The following PRKCQ variants were observed in gnomAD, a reference collection of about 807,000 sequenced individuals.
PRKCQ encodes the protein protein kinase C theta type.
PRKCQ carries 41 observed loss-of-function variants against 91.2 expected under a neutral mutation model. The ratio of observed to expected loss-of-function variants is 0.45; its 90% CI spans 0.35 to 0.58. The LOEUF (loss-of-function observed/expected upper bound fraction) is 0.58, where lower values mean the gene tolerates loss of function less well. Among genes scored for constraint, PRKCQ ranks in the 20% least tolerant of loss-of-function variants. The pLI, the probability that PRKCQ is intolerant of heterozygous loss-of-function variation, is 0.00. For missense variants in PRKCQ, 673 were observed against 896.5 expected, an observed-to-expected ratio of 0.75 and a Z score of 3.18; for synonymous variants, 307 against 316.9, an observed-to-expected ratio of 0.97 and a Z score of 0.33.
At chr10:6,467,920 AT>A (rs752639515) in intron 12 of PRKCQ, among the ~76,000 whole-genome samples, 11 of 152,200 alleles carry the variant, frequency 7.2e-5, no homozygotes, top group African/African-American at 2.7e-4. Flanking sequence ...AAGAAATGGT[AT>A]TTAAGTTGGG....
At chr10:6,448,082 C>T (rs1834423521) in intron 15 of PRKCQ, among the ~76,000 whole-genome samples, 1 of 152,126 alleles carries the variant, frequency 6.6e-6, no homozygotes, top group Non-Finnish European at 1.5e-5. Flanking sequence ...GGTTATTTAA[C>T]AAAAGACGCC....
At chr10:6,536,684 T>C (rs536248444) in intron 1 of PRKCQ, among the ~76,000 whole-genome samples, 1 of 152,222 alleles carries the variant, frequency 6.6e-6, no homozygotes, top group South Asian at 2.1e-4. Flanking sequence ...AATGGGGTAC[T>C]GGGCTTCAGT....
intron 15 of PRKCQ, among the ~76,000 whole-genome samples, chr10:6,448,794 G>A (rs987651693): frequency 2.0e-5 from 3 of 151,962 alleles, no homozygotes; most frequent in African/African-American, 7.3e-5. Flanking sequence ...TAGTTCTGCA[G>A]ACACCGCTGC....
In PRKCQ at chr10:6,535,990, G is replaced by A. The variant is rs116192847; in HGVS notation, c.-9-20846C>T. Among the ~76,000 whole-genome samples the A allele has an allele frequency of 6.2e-3, 951 of 152,220 alleles. 9 individuals are homozygous for A. The highest frequency in any genetic ancestry group is 0.022 in the African/African-American group (914 of 41,542). ...ATCACAAGCCCTCTTCCTTCCTACT[G>A]AGCAGTGGAGTCAGGCCCTACCCCT... On this transcript the variant is annotated intron_variant, in intron 1 of 17. Coordinates refer to ENST00000263125, the MANE Select transcript of PRKCQ (RefSeq NM_006257.5).
At chr10:6,520,948 CA>C (rs142399519) in intron 1 of PRKCQ, among the ~76,000 whole-genome samples, 33 of 152,306 alleles carry the variant, frequency 2.2e-4, no homozygotes, top group Non-Finnish European at 4.4e-4. Flanking sequence ...ATACATTCAG[CA>C]AAAACTCCTC....
chr10:6,552,205 C>T (rs1840214041), intron 1 of PRKCQ, among the ~76,000 whole-genome samples: 1 of 151,956 alleles, frequency 6.6e-6, no homozygotes, highest in African/African-American at 2.4e-5. Context: ...TATAGTTTTT[C>T]AAGTGTATTA....
chr10:6,430,932 C>T lies in PRKCQ; in HGVS notation c.1843G>A (p.Val615Met), dbSNP rs775800081. 4.3e-6 allele frequency: 7 copies of T among 1,613,738 alleles called. No individual in the cohort carries two copies. Among genetic ancestry groups the T allele is most frequent in the Non-Finnish European group, 5.9e-6 (7 of 1,179,866 alleles). The change falls in exon 17 of 18, where the codon GTG (valine) becomes ATG (methionine). Residue 615 changes from valine to methionine, a missense_variant. Coordinates refer to ENST00000263125, the MANE Select transcript of PRKCQ (RefSeq NM_006257.5). This position sits in a 1 kb window ranked among gnomAD's most constrained non-coding sequence, Gnocchi z 4.7. ...CCCAGCCTCTTCTCAGGTTCTCGCA[C>T]GAAGAGCTGAAAGGGAGCAGAGCAG... ...EAKDLLVKLF[V>M]REPEKRLGVR...
At chr10:6,456,311 A>T (rs1834999866) in intron 15 of PRKCQ, among the ~76,000 whole-genome samples, 1 of 152,042 alleles carries the variant, frequency 6.6e-6, no homozygotes, top group African/African-American at 2.4e-5. Flanking sequence ...TGGCTTAGAA[A>T]CTCAGTCCAG....
Position 6,536,584 on chromosome 10 carries a change from C to A in PRKCQ, c.-9-21440G>T, listed in dbSNP as rs1280689837. Among the ~76,000 whole-genome samples the A allele has an allele frequency of 5.3e-5, 8 of 152,098 alleles. No individual in the cohort carries two copies. The South Asian group carries it at 1.4e-3, about 28-fold the overall frequency. The stretch of plus-strand genomic sequence containing the variant: ...GATTTTATTATTATGCTCTAAAAAT[C>A]TCTTCTTCTTCCGCTCCCCTTCTCC... On this transcript the variant is annotated intron_variant, in intron 1 of 17. Transcript: ENST00000263125.
chr10:6,471,308 A>G (rs146167937), intron 12 of PRKCQ, among the ~76,000 whole-genome samples: 181 of 152,368 alleles, frequency 1.2e-3, no homozygotes, highest in African/African-American at 4.2e-3. Flanking sequence ...AAGAAGTCAC[A>G]GAAGACACCC....
chr10:6,490,554 T>A, intron 8 of PRKCQ, among the ~76,000 whole-genome samples: 1 of 113,110 alleles, frequency 8.8e-6, no homozygotes. Flanking sequence ...AGCAAGACCA[T>A]ACCTCTAAAA....
the PRKCQ span, among the ~76,000 whole-genome samples, chr10:6,412,866 C>T: frequency 1.6e-3 from 248 of 152,370 alleles, 1 homozygote; most frequent in Non-Finnish European, 1.6e-3. Flanking sequence ...GTCAGTACTC[C>T]TAGGCTGGTT....
intron 1 of PRKCQ, among the ~76,000 whole-genome samples, chr10:6,532,828 T>C (rs1249271470): frequency 1.3e-5 from 2 of 152,194 alleles, no homozygotes; most frequent in African/African-American, 4.8e-5. Flanking sequence ...CTAAGAGATA[T>C]TGGTAATTTA....
At chr10:6,524,498 T>C (rs1215269627) in intron 1 of PRKCQ, among the ~76,000 whole-genome samples, 1 of 152,222 alleles carries the variant, frequency 6.6e-6, no homozygotes, top group Non-Finnish European at 1.5e-5. Context: ...TCCAAGCGCA[T>C]GTCTGCCATG....
At chr10:6,443,031 G>A (rs549881011) in intron 15 of PRKCQ, among the ~76,000 whole-genome samples, 16 of 152,190 alleles carry the variant, frequency 1.1e-4, no homozygotes, top group Non-Finnish European at 1.9e-4. Context: ...CCTACAGCTC[G>A]ATAGCGGGGT....
At chr10:6,552,651 G>C (rs1840234221) in intron 1 of PRKCQ, among the ~76,000 whole-genome samples, 1 of 151,912 alleles carries the variant, frequency 6.6e-6, no homozygotes, top group Non-Finnish European at 1.5e-5. Context: ...ATTTTTTGTA[G>C]ACACAGGGTC....
At chr10:6,504,852 A>T (rs896324576) in intron 4 of PRKCQ, among the ~76,000 whole-genome samples, 1 of 151,844 alleles carries the variant, frequency 6.6e-6, no homozygotes, top group African/African-American at 2.4e-5. Flanking sequence ...TGGAGTGTCA[A>T]TTTGGATCTA....
intron 1 of PRKCQ, among the ~76,000 whole-genome samples, chr10:6,575,483 A>G (rs749549293): frequency 6.6e-5 from 10 of 152,234 alleles, no homozygotes; most frequent in Non-Finnish European, 1.3e-4. Context: ...AGGTGGAGAT[A>G]ACCCTACCTA....
intron 1 of PRKCQ, among the ~76,000 whole-genome samples, chr10:6,525,802 A>AT (rs1261861078): frequency 6.6e-6 from 1 of 152,130 alleles, no homozygotes; most frequent in Non-Finnish European, 1.5e-5. Flanking sequence ...ATGAAGTATC[A>AT]TTTTGGAGAA....
Sources: allele counts gnomAD v4.1 joint callset (sites outside exome capture counted in the v4.1 genomes callset), GRCh38; gene constraint gnomAD v4.1.1; non-coding constraint Gnocchi (gnomAD v3.1); transcripts MANE v1.5; gene names NCBI Gene and HGNC (gene_info 2026-07-23, HGNC 2026-07-21).